The following PSG5 variants were observed in gnomAD, a reference collection of about 807,000 sequenced individuals.
PSG5 encodes pregnancy specific beta-1-glycoprotein 5, also known as pregnancy-specific beta-1-glycoprotein 5.
PSG5 carries 53 observed loss-of-function variants against 37.7 expected under a neutral mutation model. The observed-to-expected ratio is 1.41, with a 90% CI of 1.13 to 1.77. PSG5 has a LOEUF of 1.77. PSG5 is among the 40% of genes most tolerant of loss of function. The pLI is 0.00. For missense variants in PSG5, 547 were observed against 405.2 expected (o/e 1.35, Z -3.00); for synonymous variants, 221 against 155.4 (o/e 1.42, Z -3.14).
At chr19:43,170,194 G>A (rs1442790630) in intron 4 of PSG5, 56 bp from the exon 5 acceptor site, 1 of 1,431,514 alleles carries the variant, frequency 7.0e-7, no homozygotes, top group Non-Finnish European at 9.7e-7. Context: ...TTACATGGGG[G>A]AGCCTCAGGA....
chr19:43,185,209 G>A, intron 1 of PSG5, 62 bp from the exon 2 acceptor site: 1 of 1,511,504 alleles, frequency 6.6e-7, no homozygotes, highest in Non-Finnish European at 8.9e-7. Flanking sequence ...AAAAGATGGA[G>A]CCCTGGGTCC....
Position 43,168,055 on chromosome 19 carries a change from T to C in PSG5, c.*189A>G. On this transcript the variant is annotated 3_prime_UTR_variant, in exon 6 of 6. Transcript: ENST00000342951. ...AGCCTGTTCATTAAAATTTTGAAAG[T>C]TCTTAGTCCAGTGGTATGATCTTGA... The C allele has an allele frequency of 2.4e-6, 1 of 418,644 alleles. No homozygotes were observed. The highest frequency in any genetic ancestry group is 4.4e-6 in the Non-Finnish European group (1 of 228,702). 25.9% of individuals were successfully genotyped at this position (418,644 alleles called of 1,614,324 possible). A position where few individuals can be genotyped will look rare whatever the true frequency, so the allele number is the denominator to read the frequency against.
intron 5 of PSG5, among the ~76,000 whole-genome samples, chr19:43,168,949 A>G (rs1304253411): frequency 6.6e-6 from 1 of 151,566 alleles, no homozygotes; most frequent in Non-Finnish European, 1.5e-5. Context: ...AGTTCTACCT[A>G]TTACAACAAG....
At position 43,186,397 on chromosome 19, in the gene PSG5, G is replaced by A; in HGVS notation, c.9C>T (p.Pro3=). MG[P]LSAPPCTQHI... ...GCTGTGTGCAGGGAGGGGCTGAGAG[G>A]GGCCCCATGGTCTCTGCGCCTGCGT... Residue 3 remains proline, a synonymous_variant, in exon 1 of 6, where the codon CCC becomes CCT. Transcript: ENST00000342951. 1 of 1,612,268 alleles carries A rather than the reference G, an allele frequency of 6.2e-7. No individual in the cohort carries two copies. Among genetic ancestry groups the A allele is most frequent in the Non-Finnish European group, 8.5e-7 (1 of 1,178,942 alleles).
At position 43,175,933 on chromosome 19, in the gene PSG5, C is replaced by G. The variant is rs756679278; in HGVS notation, c.646G>C (p.Glu216Gln). ...CCATCTCGGTCCCGTATTTCACATT[C>G]ATAGGGTCCTGTTTCATTTCTCGTG... ...SVTRNETGPYECEIRDRDGGM... is the reference protein window; with the variant it reads ...SVTRNETGPYQCEIRDRDGGM... The change falls in exon 3 of 6, where the codon GAA becomes CAA. Residue 216 changes from glutamate (E) to glutamine (Q), a missense_variant. By Grantham distance (29) the Glu-to-Gln change is conservative (BLOSUM62 2). Transcript: ENST00000342951. 173 of 1,612,224 alleles carry G rather than the reference C, an allele frequency of 1.1e-4. 2 individuals carry two copies. Among genetic ancestry groups the G allele is most frequent in the South Asian group, 4.2e-4 (38 of 91,020 alleles).
intron 2 of PSG5, chr19:43,183,590 C>T: frequency 2.5e-6 from 1 of 403,362 alleles, no homozygotes; most frequent in Admixed American, 3.0e-5. Context: ...AGGGGGAGGC[C>T]TGGACATATT....
In PSG5 at chr19:43,171,723, C is replaced by T. The variant is rs181090466; in HGVS notation, c.965-1585G>A. On this transcript the variant is annotated intron_variant, in intron 4 of 5. Coordinates refer to ENST00000342951, the MANE Select transcript of PSG5 (RefSeq NM_002781.4). ...GGTGGGTCATGTTTTAATCCTAGCA[C>T]TTTGGGAGGTCACAGCAGAAGGATT... Among the ~76,000 whole-genome samples, 629 of 151,440 alleles carry T rather than the reference C, an allele frequency of 4.2e-3. 9 individuals carry two copies. Among genetic ancestry groups the T allele is most frequent in the South Asian group, 0.022 (105 of 4,806 alleles).
At chr19:43,170,384 T>G in intron 4 of PSG5, 1 of 540,654 alleles carries the variant, frequency 1.8e-6, no homozygotes, top group South Asian at 2.1e-5. Context: ...TTGGAAGGCT[T>G]TCAGACATAA....
At chr19:43,185,240 T>A in intron 1 of PSG5, 93 bp from the exon 2 acceptor site, 3 of 1,422,390 alleles carry the variant, frequency 2.1e-6, no homozygotes, top group Non-Finnish European at 2.9e-6. Context: ...TCTTCAATCC[T>A]CAGCCTTGAA....
At chr19:43,171,940 C>T (rs1968913879) in intron 4 of PSG5, among the ~76,000 whole-genome samples, 1 of 148,584 alleles carries the variant, frequency 6.7e-6, no homozygotes, top group East Asian at 1.9e-4. Flanking sequence ...CCACTGTATT[C>T]CATCCTGGAC....
chr19:43,176,092 C>G lies in PSG5; in HGVS notation c.487G>C (p.Asp163His), dbSNP rs541682529. ...GGTTCACAGGTGAAGGCTAAGACAT[C>G]CTTATTCTCCCTGGGTTTTGAGTTG... Reference protein sequence around the residue: ...INNSKPRENKDVLAFTCEPKS... With the variant: ...INNSKPRENKHVLAFTCEPKS... Residue 163 changes from aspartate (D) to histidine (H), a missense_variant, in exon 3 of 6, where the codon GAT becomes CAT. Coordinates refer to ENST00000342951, the MANE Select transcript of PSG5 (RefSeq NM_002781.4). 776 of 1,611,070 alleles carry G rather than the reference C, an allele frequency of 4.8e-4. 17 individuals are homozygous for G. The Admixed American group carries it at 0.013, about 26-fold the overall frequency.
rs10420378 is a variant in PSG5, at chr19:43,183,554, G to C, written c.430+1228C>G. On this transcript the variant is annotated intron_variant, in intron 2 of 5. Transcript: ENST00000342951. ...GCACTTTGGGAAACACAGGATTTCAGGTTCAGTGATGGGGGTTAAGATCTG... is the reference window on the plus strand; with the variant it reads ...GCACTTTGGGAAACACAGGATTTCACGTTCAGTGATGGGGGTTAAGATCTG... 598 of 496,594 alleles carry C rather than the reference G, an allele frequency of 1.2e-3. 18 individuals carry two copies. Among genetic ancestry groups the C allele is most frequent in the African/African-American group, 0.01 (517 of 49,858 alleles). 30.8% of individuals were successfully genotyped at this position (496,594 alleles called of 1,614,324 possible).
intron 2 of PSG5, among the ~76,000 whole-genome samples, chr19:43,180,925 T>G (rs1158948370): frequency 6.6e-6 from 1 of 151,598 alleles, no homozygotes; most frequent in African/African-American, 2.4e-5. Flanking sequence ...AACTCCCTGC[T>G]TCTAATTTCT....
chr19:43,169,436 T>C (rs982949995), intron 5 of PSG5, among the ~76,000 whole-genome samples: 4 of 151,764 alleles, frequency 2.6e-5, no homozygotes, highest in African/African-American at 9.7e-5. Context: ...ACTCTGTTTT[T>C]AGACATAGCA....
chr19:43,178,126 G>T (rs572407347), intron 2 of PSG5, among the ~76,000 whole-genome samples: 130 of 151,632 alleles, frequency 8.6e-4, no homozygotes, highest in Non-Finnish European at 1.3e-3. Context: ...CTGGGTTTTT[G>T]ATTTTCCCTC....
At chr19:43,173,458 A>T (rs12982679) in intron 4 of PSG5, among the ~76,000 whole-genome samples, 32,572 of 151,494 alleles carry the variant, frequency 0.22, 4,183 homozygotes, top group Non-Finnish European at 0.27. Flanking sequence ...TATATGTGTG[A>T]TAAGAAATTA....
chr19:43,170,471 G>A, intron 4 of PSG5: 4 of 447,434 alleles, frequency 8.9e-6, no homozygotes, highest in Non-Finnish European at 1.3e-5. Context: ...CTTTTTCTCA[G>A]TCTCTCTGTT....
intron 2 of PSG5, among the ~76,000 whole-genome samples, chr19:43,179,348 A>G (rs1034236583): frequency 1.3e-5 from 2 of 151,526 alleles, no homozygotes; most frequent in East Asian, 1.9e-4. Flanking sequence ...TGCCTGCTTT[A>G]TGTGGGAGAA....
At chr19:43,181,500 C>G (rs1036202590) in intron 2 of PSG5, among the ~76,000 whole-genome samples, 7 of 151,532 alleles carry the variant, frequency 4.6e-5, no homozygotes, top group African/African-American at 1.7e-4. Context: ...TCTCTTTCAC[C>G]CAGGCTGGAG....
Sources: allele counts gnomAD v4.1 joint callset (sites outside exome capture counted in the v4.1 genomes callset), GRCh38; gene constraint gnomAD v4.1.1; transcripts MANE v1.5; gene names NCBI Gene and HGNC (gene_info 2026-07-23, HGNC 2026-07-21).